FNBP1L: variants seen among roughly 807,000 people sequenced by gnomAD.
The protein encoded by FNBP1L is formin-binding protein 1-like.
FNBP1L carries 36 observed loss-of-function variants against 91.2 expected under a neutral mutation model. That is an observed-to-expected ratio of 0.39 (90% CI 0.30 to 0.52). The LOEUF (loss-of-function observed/expected upper bound fraction) is 0.52, where lower values mean the gene tolerates loss of function less well. Among genes scored for constraint, FNBP1L ranks in the 20% least tolerant of loss-of-function variants. The pLI, the probability that FNBP1L is intolerant of heterozygous loss-of-function variation, is 0.66. For synonymous variants in FNBP1L, 242 were observed against 237.0 expected (o/e 1.02, Z -0.19); for missense variants, 571 against 732.1 (o/e 0.78, Z 2.54).
At position 93,448,152 on chromosome 1, in the gene FNBP1L, G is replaced by T; in HGVS notation, c.-130G>T. On this transcript the variant is annotated 5_prime_UTR_variant, in exon 1 of 17. Transcript: ENST00000271234. The stretch of plus-strand genomic sequence containing the variant: ...TTTCTCACTCACTGGGGAGCCCGGC[G>T]GTGGCGGCACCTTTCGAGGTAGACC... The T allele has an allele frequency of 8.4e-7, 1 of 1,184,616 alleles. No homozygotes were observed. Among genetic ancestry groups the T allele is most frequent in the Non-Finnish European group, 1.2e-6 (1 of 855,568 alleles). The allele number at this position is 1,184,616 out of a possible 1,614,324, so 73.4% of individuals were successfully genotyped here. A position where few individuals can be genotyped will look rare whatever the true frequency, so the allele number is the denominator to read the frequency against.
At chr1:93,547,930 C>T (rs1672295732) in intron 14 of FNBP1L, among the ~76,000 whole-genome samples, 1 of 152,064 alleles carries the variant, frequency 6.6e-6, no homozygotes, top group East Asian at 1.9e-4. Flanking sequence ...TAAAAGTCCA[C>T]AAATTAGGAT....
At chr1:93,488,623 C>CA (rs1669993612) in intron 1 of FNBP1L, among the ~76,000 whole-genome samples, 2 of 152,276 alleles carry the variant, frequency 1.3e-5, no homozygotes, top group African/African-American at 4.8e-5. Context: ...TTCTGGCGCT[C>CA]ACACACTCCA....
intron 14 of FNBP1L, among the ~76,000 whole-genome samples, chr1:93,547,735 A>G (rs1672288230): frequency 1.3e-5 from 2 of 152,108 alleles, no homozygotes; most frequent in South Asian, 4.1e-4. Context: ...AAGGTTTCCT[A>G]AGGTTCAAGT....
chr1:93,476,052 A>G (rs1383518079), intron 1 of FNBP1L, among the ~76,000 whole-genome samples: 2 of 151,890 alleles, frequency 1.3e-5, no homozygotes, highest in African/African-American at 2.4e-5. Flanking sequence ...ATATGTTTAT[A>G]TTTTCCTTTT....
At chr1:93,510,892 G>C (rs1367662437) in intron 2 of FNBP1L, among the ~76,000 whole-genome samples, 1 of 151,972 alleles carries the variant, frequency 6.6e-6, no homozygotes, top group Non-Finnish European at 1.5e-5. Flanking sequence ...AAGCGAGAAG[G>C]GAAGTTTAGA....
chr1:93,511,772 C>A (rs1253068760), intron 2 of FNBP1L, among the ~76,000 whole-genome samples: 1 of 151,734 alleles, frequency 6.6e-6, no homozygotes, highest in African/African-American at 2.4e-5. Context: ...CGAGACCATC[C>A]CGGCTAAAAC....
chr1:93,484,663 A>G (rs372027139), intron 1 of FNBP1L, among the ~76,000 whole-genome samples: 79 of 152,348 alleles, frequency 5.2e-4, no homozygotes, highest in African/African-American at 1.8e-3. Flanking sequence ...GGTAGCAGGG[A>G]TAACTATGGA....
chr1:93,480,197 C>T (rs1570785148), intron 1 of FNBP1L, among the ~76,000 whole-genome samples: 1 of 152,300 alleles, frequency 6.6e-6, no homozygotes, highest in African/African-American at 2.4e-5. Flanking sequence ...TATGATTTTA[C>T]TGAACCTCAG....
intron 12 of FNBP1L, among the ~76,000 whole-genome samples, chr1:93,545,095 T>C (rs1161443023): frequency 4.6e-5 from 7 of 152,166 alleles, no homozygotes; most frequent in Non-Finnish European, 8.8e-5. Flanking sequence ...TTGATTTTTT[T>C]CTAATAGCAC....
chr1:93,515,646 T>C (rs907186750), intron 2 of FNBP1L, among the ~76,000 whole-genome samples: 10 of 151,490 alleles, frequency 6.6e-5, no homozygotes, highest in African/African-American at 2.4e-4. Context: ...ATCATCATTC[T>C]CAGTAAACTA....
At chr1:93,472,198 A>G (rs1209685107) in intron 1 of FNBP1L, among the ~76,000 whole-genome samples, 3 of 152,192 alleles carry the variant, frequency 2.0e-5, no homozygotes, top group Non-Finnish European at 4.4e-5. Context: ...GTACTCTAAA[A>G]TCTTTACTTA....
intron 1 of FNBP1L, among the ~76,000 whole-genome samples, chr1:93,470,779 A>G (rs1570773850): frequency 6.6e-6 from 1 of 151,642 alleles, no homozygotes; most frequent in East Asian, 2.0e-4. Flanking sequence ...AGGCTGAGGC[A>G]GGAGAATGGC....
intron 16 of FNBP1L, chr1:93,551,332 A>T (rs1672408129): frequency 8.3e-7 from 1 of 1,201,110 alleles, no homozygotes; most frequent in Non-Finnish European, 1.0e-6. Context: ...GTTGGTGTGA[A>T]GCTTAATTGA....
At position 93,522,097 on chromosome 1, in the gene FNBP1L, G is replaced by C; in HGVS notation, c.156G>C (p.Lys52Asn). 6.5e-7 allele frequency: 1 copy of C among 1,527,568 alleles called. No homozygotes were observed. Among genetic ancestry groups the C allele is most frequent in the East Asian group, 2.4e-5 (1 of 40,900 alleles). 94.6% of individuals were successfully genotyped at this position (1,527,568 alleles called of 1,614,324 possible). A position where few individuals can be genotyped will look rare whatever the true frequency, so the allele number is the denominator to read the frequency against. Residue 52 changes from lysine to asparagine, a missense_variant, in exon 3 of 17, where the codon AAG (lysine) becomes AAC (asparagine). Physicochemically the swap from Lys to Asn is moderately conservative, Grantham distance 94. Transcript: ENST00000271234. ...CTTCCTATAGAAATCTGGTTAAGAA[G>C]TACTGCCCCAAACGTTCATCCAAAG... ...YAKQLRNLVKKYCPKRSSKDE... is the reference protein window; with the variant it reads ...YAKQLRNLVKNYCPKRSSKDE...
At chr1:93,540,545 A>G (rs1213607590) in intron 10 of FNBP1L, among the ~76,000 whole-genome samples, 1 of 152,140 alleles carries the variant, frequency 6.6e-6, no homozygotes, top group African/African-American at 2.4e-5. Flanking sequence ...TAACCATGGT[A>G]TATTTAAATT....
chr1:93,478,138 A>G (rs1669558989), intron 1 of FNBP1L, among the ~76,000 whole-genome samples: 1 of 152,228 alleles, frequency 6.6e-6, no homozygotes, highest in Non-Finnish European at 1.5e-5. Context: ...ATTTAAAGTG[A>G]ATAGGAGGAA....
At chr1:93,515,931 G>A (rs1184634387) in intron 2 of FNBP1L, among the ~76,000 whole-genome samples, 1 of 151,764 alleles carries the variant, frequency 6.6e-6, no homozygotes, top group East Asian at 1.9e-4. Context: ...AATAAAAAGA[G>A]ATTTTAAAAA....
rs1175933987 is a variant in FNBP1L at position 93,546,930 on chromosome 1, A to G, written c.1363A>G (p.Met455Val). ...GSLQPKLAETMNNIDRLRMEI... is the reference protein window; with the variant it reads ...GSLQPKLAETVNNIDRLRMEI... ...TTTGCAGCCTAAATTAGCAGAGACC[A>G]TGAATAACATTGACCGCCTACGAAT... The change falls in exon 13 of 17, where the codon ATG becomes GTG. Residue 455 changes from methionine (M) to valine (V), a missense_variant. Met to Val is a conservative substitution (Grantham distance 21, BLOSUM62 1). Coordinates refer to ENST00000271234, the MANE Select transcript of FNBP1L (RefSeq NM_001164473.3). 3 of 1,612,882 alleles carry G rather than the reference A, an allele frequency of 1.9e-6. No individual in the cohort carries two copies. Among genetic ancestry groups the G allele is most frequent in the South Asian group, 1.1e-5 (1 of 90,834 alleles).
intron 10 of FNBP1L, among the ~76,000 whole-genome samples, chr1:93,537,265 T>C (rs918819989): frequency 5.3e-5 from 8 of 152,118 alleles, no homozygotes; most frequent in Non-Finnish European, 1.2e-4. Context: ...TTGAAAAACA[T>C]AGGTTCATTA....
Sources: allele counts gnomAD v4.1 joint callset (sites outside exome capture counted in the v4.1 genomes callset), GRCh38; gene constraint gnomAD v4.1.1; transcripts MANE v1.5; gene names NCBI Gene and HGNC (gene_info 2026-07-23, HGNC 2026-07-21).